The following CPNE8 variants were observed in gnomAD, a reference collection of about 807,000 sequenced individuals.
CPNE8 encodes copine 8.
A neutral mutation model predicts 81.5 loss-of-function variants in CPNE8; 45 were observed. The ratio of observed to expected loss-of-function variants is 0.55; its 90% CI spans 0.44 to 0.71. CPNE8 has a LOEUF of 0.71. Among genes scored for constraint, CPNE8 ranks in the 30% least tolerant of loss-of-function variants. The pLI is 0.00. For missense variants in CPNE8, 594 were observed against 672.1 expected (o/e 0.88, Z 1.28); for synonymous variants, 252 against 226.3 (o/e 1.11, Z -1.02).
chr12:38,794,181 A>C (rs377502310), intron 6 of CPNE8, among the ~76,000 whole-genome samples: 1 of 152,320 alleles, frequency 6.6e-6, no homozygotes, highest in Non-Finnish European at 1.5e-5. Context: ...GGCAACGAAA[A>C]GCAAAAATAG....
At position 38,900,736 on chromosome 12, in the gene CPNE8, G is replaced by A. The variant is rs116116408; in HGVS notation, c.98+4701C>T. Among the ~76,000 whole-genome samples the A allele has an allele frequency of 4.8e-3, 736 of 152,162 alleles. 3 individuals are homozygous for A. The highest frequency in any genetic ancestry group is 0.017 in the African/African-American group (698 of 41,508). On this transcript the variant is annotated intron_variant, in intron 1 of 19. Transcript: ENST00000331366. ...TAAGTATTTTTTAGCCGTATTTCTC[G>A]GGCATGCATTTTGGGCTATGGCACA...
chr12:38,677,417 C>T (rs370057182), intron 17 of CPNE8, 35 bp downstream of exon 17: 60 of 1,118,838 alleles, frequency 5.4e-5, no homozygotes, highest in Non-Finnish European at 6.9e-5. Flanking sequence ...CATGTTGTCA[C>T]GTAGCGAGCC....
chr12:38,756,151 T>C (rs1420233000), intron 10 of CPNE8, among the ~76,000 whole-genome samples: 4 of 152,138 alleles, frequency 2.6e-5, no homozygotes, highest in African/African-American at 7.2e-5. Context: ...CACATTTTTG[T>C]ATGCTTCATA....
At chr12:38,676,827 C>A (rs1029983759) in intron 17 of CPNE8, among the ~76,000 whole-genome samples, 1 of 152,100 alleles carries the variant, frequency 6.6e-6, no homozygotes, top group Non-Finnish European at 1.5e-5. Context: ...CTTAGTTAAA[C>A]CTAAATTACC....
intron 13 of CPNE8, among the ~76,000 whole-genome samples, chr12:38,710,249 C>T (rs1443564127): frequency 9.5e-5 from 3 of 31,510 alleles, no homozygotes; most frequent in African/African-American, 2.5e-4. Flanking sequence ...ATATATGTGA[C>T]ATAATCAAAA....
intron 7 of CPNE8, among the ~76,000 whole-genome samples, chr12:38,774,704 T>C (rs1941888908): frequency 6.6e-6 from 1 of 152,144 alleles, no homozygotes; most frequent in Non-Finnish European, 1.5e-5. Flanking sequence ...AGTAGTCAAG[T>C]GTCTTGATTA....
chr12:38,894,362 T>A (rs1223086170), intron 1 of CPNE8, among the ~76,000 whole-genome samples: 1 of 152,222 alleles, frequency 6.6e-6, no homozygotes, highest in Non-Finnish European at 1.5e-5. Flanking sequence ...AATTTACTAA[T>A]TTAAATTATC....
chr12:38,664,483 A>T (rs1471066557), intron 19 of CPNE8, among the ~76,000 whole-genome samples: 3 of 152,118 alleles, frequency 2.0e-5, no homozygotes, highest in Non-Finnish European at 4.4e-5. Flanking sequence ...AACATTAAAT[A>T]TAAGGAAGAT....
At chr12:38,809,019 A>G (rs979780886) in intron 6 of CPNE8, among the ~76,000 whole-genome samples, 9 of 152,302 alleles carry the variant, frequency 5.9e-5, no homozygotes, top group African/African-American at 2.2e-4. Flanking sequence ...GAATTCTTTT[A>G]TACTGCTATG....
At chr12:38,756,269 G>A (rs1941457087) in intron 10 of CPNE8, among the ~76,000 whole-genome samples, 1 of 151,580 alleles carries the variant, frequency 6.6e-6, no homozygotes, top group Admixed American at 6.6e-5. Context: ...TGCCCAATCT[G>A]TGTGAATATC....
At position 38,670,725 on chromosome 12, in the gene CPNE8, T is replaced by G; in HGVS notation, c.1506+4A>C. 6.3e-7 allele frequency: 1 copy of G among 1,594,722 alleles called. No homozygotes were observed. Among genetic ancestry groups the G allele is most frequent in the African/African-American group, 1.3e-5 (1 of 74,512 alleles). On this transcript the variant is annotated splice_donor_region_variant and intron_variant, in intron 19 of 19. Transcript: ENST00000331366. ...AGTAAAGTAGGAAAAGGTTTATTTC[T>G]TACCTGCACAATGTCTCTTTCAGCA...
chr12:38,835,848 T>A (rs1943370655), intron 5 of CPNE8, among the ~76,000 whole-genome samples: 1 of 152,156 alleles, frequency 6.6e-6, no homozygotes, highest in Non-Finnish European at 1.5e-5. Context: ...TACAAAATAA[T>A]CCAGTGACCC....
intron 5 of CPNE8, among the ~76,000 whole-genome samples, chr12:38,835,088 C>T (rs886781945): frequency 2.6e-5 from 4 of 151,962 alleles, no homozygotes; most frequent in African/African-American, 4.8e-5. Context: ...GGTTTCACCA[C>T]GTTGGCCAGG....
intron 19 of CPNE8, 61 bp downstream of exon 19, chr12:38,670,668 T>G: frequency 8.8e-7 from 1 of 1,140,926 alleles, no homozygotes; most frequent in Non-Finnish European, 1.3e-6. Flanking sequence ...CTTCTAATTT[T>G]GTTAAAGATC....
upstream of CPNE8, chr12:38,905,823 C>A (rs1014274070): frequency 2.0e-6 from 2 of 985,258 alleles, no homozygotes; most frequent in African/African-American, 1.7e-5. Flanking sequence ...GGGGGACACA[C>A]TCCGTGATCC....
chr12:38,847,210 GA>G (rs1173406802), intron 4 of CPNE8, among the ~76,000 whole-genome samples: 1 of 151,976 alleles, frequency 6.6e-6, no homozygotes, highest in Non-Finnish European at 1.5e-5. Flanking sequence ...AAACAATGCA[GA>G]TGAATGAGAA....
intron 13 of CPNE8, among the ~76,000 whole-genome samples, chr12:38,714,165 G>C (rs1471684468): frequency 6.6e-6 from 1 of 151,978 alleles, no homozygotes; most frequent in East Asian, 1.9e-4. Context: ...GGATATGGAA[G>C]TATATATTCT....
rs558859496 is a variant in CPNE8, at chr12:38,806,887, T to A, written c.407+22492A>T. 4.0e-5 allele frequency among the ~76,000 whole-genome samples: 6 copies of A among 151,430 alleles called. No individual in the cohort carries two copies. In the East Asian group the frequency reaches 1.0e-3, roughly 26 times the overall value. ...TCAGCCCAAAATCTCCTTAAGCTGATAAGCAACTTCAGCAGTCTCAGGATA... is the reference window on the plus strand; with the variant it reads ...TCAGCCCAAAATCTCCTTAAGCTGAAAAGCAACTTCAGCAGTCTCAGGATA... On this transcript the variant is annotated intron_variant, in intron 6 of 19. Coordinates refer to ENST00000331366, the MANE Select transcript of CPNE8 (RefSeq NM_153634.3).
rs1940657340 is a variant in CPNE8, at chr12:38,724,861, A to G, written c.837T>C (p.Tyr279=). Residue 279 remains tyrosine (Y), a synonymous_variant, in exon 12 of 20, where the codon TAT becomes TAC. Coordinates refer to ENST00000331366, the MANE Select transcript of CPNE8 (RefSeq NM_153634.3). The stretch of plus-strand genomic sequence containing the variant: ...TTTGACTTACTGTTCCAGAATTAGT[A>G]TATTTTTTCTTTTTTCCTTTCTTTT... ...NPKKKGKKKK[Y]TNSGTVTLLS... is the part of the protein sequence containing the mutation. 2 of 1,486,060 alleles carry G rather than the reference A, an allele frequency of 1.3e-6. No individual in the cohort carries two copies. The highest frequency in any genetic ancestry group is 1.9e-6 in the Non-Finnish European group (2 of 1,072,632). The allele number at this position is 1,486,060 out of a possible 1,614,324, so 92.1% of individuals were successfully genotyped here.
Sources: allele counts gnomAD v4.1 joint callset (sites outside exome capture counted in the v4.1 genomes callset), GRCh38; gene constraint gnomAD v4.1.1; transcripts MANE v1.5; gene names NCBI Gene and HGNC (gene_info 2026-07-23, HGNC 2026-07-21).